The following AKR1D1 variants were observed in gnomAD, a reference collection of about 807,000 sequenced individuals.
AKR1D1 encodes the protein delta(4)-3-ketosteroid 5-beta-reductase.
Under a neutral mutation model 42.6 loss-of-function variants are expected in AKR1D1, and 32 were observed. The ratio of observed to expected loss-of-function variants is 0.75; its 90% CI spans 0.57 to 1.01. The LOEUF (loss-of-function observed/expected upper bound fraction) is 1.01. AKR1D1 is among the 50% of genes least tolerant of loss of function. AKR1D1 has a pLI of 0.00. For missense variants in AKR1D1, 364 were observed against 402.2 expected (o/e 0.91, Z 0.81); for synonymous variants, 123 against 135.5 (o/e 0.91, Z 0.64).
At chr7:138,103,782 A>G (rs1384544777) in intron 4 of AKR1D1, among the ~76,000 whole-genome samples, 1 of 152,208 alleles carries the variant, frequency 6.6e-6, no homozygotes, top group Non-Finnish European at 1.5e-5. Context: ...AAGATATACT[A>G]ATTTTAAGCA....
chr7:138,088,516 T>A (rs2117427153), intron 1 of AKR1D1, 85 bp from the exon 2 acceptor site: 1 of 1,437,030 alleles, frequency 7.0e-7, no homozygotes, highest in Non-Finnish European at 9.8e-7. Flanking sequence ...TGTAAAGGAA[T>A]GTACATGCAA....
At chr7:138,107,614 G>A in intron 7 of AKR1D1, 34 bp downstream of exon 7, 1 of 1,608,916 alleles carries the variant, frequency 6.2e-7, no homozygotes, top group East Asian at 2.2e-5. Context: ...GTGAAAAGAT[G>A]GGTATGTTTG....
At chr7:138,109,042 T>C (rs1393606000) in intron 7 of AKR1D1, among the ~76,000 whole-genome samples, 1 of 152,216 alleles carries the variant, frequency 6.6e-6, no homozygotes, top group African/African-American at 2.4e-5. Flanking sequence ...AGATGTTTAT[T>C]ATAGAATTCT....
intron 5 of AKR1D1, 126 bp downstream of exon 5, chr7:138,105,555 G>C: frequency 7.2e-7 from 1 of 1,393,664 alleles, no homozygotes; most frequent in South Asian, 1.3e-5. Flanking sequence ...ATGGGACCCT[G>C]TGCAAGTCTT....
At chr7:138,090,666 T>G (rs1366702228) in intron 2 of AKR1D1, among the ~76,000 whole-genome samples, 1 of 149,904 alleles carries the variant, frequency 6.7e-6, no homozygotes, top group Admixed American at 6.7e-5. Flanking sequence ...AAAAGAAAAG[T>G]ATGATTCTAA....
chr7:138,088,790 C>T, intron 2 of AKR1D1, 22 bp downstream of exon 2: 1 of 1,574,560 alleles, frequency 6.4e-7, no homozygotes, highest in Admixed American at 1.8e-5. Flanking sequence ...CCTTCAGCCT[C>T]CACTGGGGAC....
intron 1 of AKR1D1, among the ~76,000 whole-genome samples, chr7:138,076,998 C>A (rs1802952099): frequency 6.6e-6 from 1 of 152,030 alleles, no homozygotes; most frequent in Non-Finnish European, 1.5e-5. Flanking sequence ...ATGCACTAAG[C>A]ACTAGGCGAT....
intron 7 of AKR1D1, among the ~76,000 whole-genome samples, chr7:138,112,757 T>C (rs1794559286): frequency 6.6e-6 from 1 of 150,796 alleles, no homozygotes; most frequent in African/African-American, 2.4e-5. Context: ...AGTTAAAGGA[T>C]AGAAAGATAA....
At chr7:138,081,592 C>T (rs889224345) in intron 1 of AKR1D1, among the ~76,000 whole-genome samples, 2 of 125,446 alleles carry the variant, frequency 1.6e-5, no homozygotes, top group African/African-American at 5.9e-5. Context: ...ATGGCACGAT[C>T]GATCTCGGCT....
chr7:138,105,525 T>C (rs1448167966), intron 5 of AKR1D1, 96 bp downstream of exon 5: 12 of 1,539,108 alleles, frequency 7.8e-6, no homozygotes, highest in South Asian at 2.3e-5. Context: ...GGCTCATGAT[T>C]GCTCCACCTA....
chr7:138,090,536 C>G (rs1794046163), intron 2 of AKR1D1, among the ~76,000 whole-genome samples: 1 of 151,124 alleles, frequency 6.6e-6, no homozygotes, highest in South Asian at 2.1e-4. Flanking sequence ...ACTTGGGAGG[C>G]TGAGGCAGCA....
rs1794643641 is a variant in AKR1D1 at position 138,116,796 on chromosome 7, A to G, written c.*134A>G. ...AGAAATAATGATGGAAACATGTTTA[A>G]TGTTTGTGCAGTGTAAATGACTTTG... On this transcript the variant is annotated 3_prime_UTR_variant, in exon 9 of 9. Coordinates refer to ENST00000242375, the MANE Select transcript of AKR1D1 (RefSeq NM_005989.4). The G allele has an allele frequency of 1.3e-6, 1 of 798,772 alleles. No individual in the cohort carries two copies. Among genetic ancestry groups the G allele is most frequent in the Non-Finnish European group, 2.0e-6 (1 of 488,446 alleles). The allele number at this position is 798,772 out of a possible 1,614,324, so 49.5% of individuals were successfully genotyped here.
chr7:138,098,187 T>G (rs1443473273), intron 4 of AKR1D1: 4 of 467,802 alleles, frequency 8.6e-6, no homozygotes, highest in African/African-American at 1.9e-5. Flanking sequence ...AAAAACAGTG[T>G]AAACAAAATA....
chr7:138,105,846 C>T (rs1487155201), intron 5 of AKR1D1, among the ~76,000 whole-genome samples: 1 of 152,028 alleles, frequency 6.6e-6, no homozygotes, highest in Non-Finnish European at 1.5e-5. Context: ...GATTGCGCCA[C>T]TGCACTCCAG....
intron 8 of AKR1D1, among the ~76,000 whole-genome samples, chr7:138,116,188 A>G (rs983278471): frequency 6.6e-6 from 1 of 152,186 alleles, no homozygotes; most frequent in African/African-American, 2.4e-5. Flanking sequence ...TGTAAAAAAA[A>G]GAAGAAAAAA....
Position 138,088,721 on chromosome 7 carries a change from A to G in AKR1D1, c.214A>G (p.Ile72Val), listed in dbSNP as rs1487914775. 6.2e-7 allele frequency: 1 copy of G among 1,612,770 alleles called. No individual in the cohort carries two copies. The highest frequency in any genetic ancestry group is 8.5e-7 in the Non-Finnish European group (1 of 1,179,504). Residue 72 changes from isoleucine to valine, a missense_variant, in exon 2 of 9, where the codon ATA becomes GTA. Ile to Val is a conservative substitution (Grantham distance 29). Coordinates refer to ENST00000242375, the MANE Select transcript of AKR1D1 (RefSeq NM_005989.4). ...AGTTGGGGAGGCCATCAGGGAGAAGATAGCAGAAGGAAAGGTGCGGAGGGA... is the reference window on the plus strand; with the variant it reads ...AGTTGGGGAGGCCATCAGGGAGAAGGTAGCAGAAGGAAAGGTGCGGAGGGA... ...HEVGEAIREK[I>V]AEGKVRREDI...
chr7:138,103,188 C>T (rs1794350611), intron 4 of AKR1D1, among the ~76,000 whole-genome samples: 1 of 151,872 alleles, frequency 6.6e-6, no homozygotes, highest in Non-Finnish European at 1.5e-5. Flanking sequence ...TCATTAGGTC[C>T]GATTGATGTA....
At chr7:138,111,654 T>G (rs1241414008) in intron 7 of AKR1D1, among the ~76,000 whole-genome samples, 1 of 152,172 alleles carries the variant, frequency 6.6e-6, no homozygotes, top group Non-Finnish European at 1.5e-5. Context: ...AAAAGACCAC[T>G]GAAAATTAAT....
intron 5 of AKR1D1, among the ~76,000 whole-genome samples, chr7:138,106,032 A>C (rs188276678): frequency 1.3e-5 from 2 of 151,876 alleles, no homozygotes; most frequent in African/African-American, 2.4e-5. Context: ...ATGAAAAAAA[A>C]CTCACTATTA....
Sources: gnomAD v4.1 joint callset for allele counts (sites outside exome capture counted in the v4.1 genomes callset) on GRCh38, gnomAD v4.1.1 for gene constraint, MANE v1.5 for transcripts, NCBI Gene and HGNC (gene_info 2026-07-23, HGNC 2026-07-21) for gene names.